The following MYO15B variants were observed in gnomAD, a reference collection of about 807,000 sequenced individuals.
The protein encoded by MYO15B is myosin XVB.
In MYO15B, 207 loss-of-function variants were observed where a neutral mutation model predicts 119.3. The observed-to-expected ratio is 1.73, with a 90% CI of 1.55 to 1.95. The LOEUF (loss-of-function observed/expected upper bound fraction) is 1.95. Ranked by LOEUF, MYO15B falls within the 30% of genes most tolerant of loss-of-function variation. MYO15B has a pLI of 0.00. For missense variants in MYO15B, 2,264 were observed against 1,203.1 expected (o/e 1.88, Z -13.04); for synonymous variants, 966 against 498.9 (o/e 1.94, Z -12.48).
intron 53 of MYO15B, among the ~76,000 whole-genome samples, chr17:75,622,989 C>T (rs1365898495): frequency 6.6e-6 from 1 of 152,274 alleles, no homozygotes; most frequent in East Asian, 1.9e-4. Flanking sequence ...CACAGCACCG[C>T]TCAGAGGTCA....
In MYO15B at chr17:75,597,605, C is replaced by T. The variant is rs77466531; in HGVS notation, c.3525+706C>T. ...CTCTCCCCTCTTACAGCCCGCAGTGCAGCAGGAGAGAAATGTTCATTTAAA... is the reference window on the plus strand; with the variant it reads ...CTCTCCCCTCTTACAGCCCGCAGTGTAGCAGGAGAGAAATGTTCATTTAAA... On this transcript the variant is annotated intron_variant, in intron 14 of 63. Transcript: ENST00000645453. Among the ~76,000 whole-genome samples, 1,034 of 152,358 alleles carry T rather than the reference C, an allele frequency of 6.8e-3. 8 individuals are homozygous for T. Among genetic ancestry groups the T allele is most frequent in the African/African-American group, 0.02 (816 of 41,574 alleles).
chr17:75,616,006 G>C, intron 36 of MYO15B, 63 bp from the exon 37 acceptor site: 1 of 590,584 alleles, frequency 1.7e-6, no homozygotes, highest in South Asian at 2.0e-5. Flanking sequence ...CTGGGGACCC[G>C]AGGGGTGTGG....
chr17:75,588,276 G>A, exon 1 of MYO15B: 1 of 398,290 alleles, frequency 2.5e-6, no homozygotes, highest in Admixed American at 4.4e-5. Context: ...CTGCAGAGGG[G>A]AACGGCGGCT....
chr17:75,621,433 T>C (rs1193956490), intron 51 of MYO15B, 25 bp downstream of exon 51: 2 of 699,172 alleles, frequency 2.9e-6, no homozygotes, highest in Admixed American at 4.0e-5. Context: ...GGGAGGGGTC[T>C]GGCCCGTAGA....
chr17:75,606,863 T>G, intron 21 of MYO15B: 1 of 397,772 alleles, frequency 2.5e-6, no homozygotes, highest in Non-Finnish European at 4.4e-6. Context: ...CTGCAGTGAC[T>G]TTAGACTTCT....
rs7213361 is a variant in MYO15B, at chr17:75,619,758, C to T, written c.7260C>T (p.Pro2420=). The stretch of plus-strand genomic sequence containing the variant: ...GACTGCTCAAGGTGACCCAAGGCCC[C>T]GGCCTCCGCCCCGACCAGCTGAAGA... Residue 2420 remains proline (P), a synonymous_variant, in exon 46 of 64, where the codon CCC becomes CCT. Transcript: ENST00000645453. 7,748 of 702,896 alleles carry T rather than the reference C, an allele frequency of 0.011. 423 individuals carry two copies. In the African/African-American group the frequency reaches 0.11, roughly 10 times the overall value. The allele number at this position is 702,896 out of a possible 1,614,324, so 43.5% of individuals were successfully genotyped here. A position where few individuals can be genotyped will look rare whatever the true frequency, so the allele number is the denominator to read the frequency against.
Position 75,616,099 on chromosome 17 carries a change from T to C in MYO15B, c.6061T>C (p.Tyr2021His), listed in dbSNP as rs2058355556. The C allele has an allele frequency of 5.2e-6, 3 of 573,664 alleles. No individual in the cohort carries two copies. The South Asian group carries it at 6.7e-5, about 13-fold the overall frequency. The allele number at this position is 573,664 out of a possible 1,614,324, so 35.5% of individuals were successfully genotyped here. ...CTCCGAGGAGGCTGAAGACAGGCCCTATCAGCCCAAGAGCTTCCAGCAGAA... is the reference window on the plus strand; with the variant it reads ...CTCCGAGGAGGCTGAAGACAGGCCCCATCAGCCCAAGAGCTTCCAGCAGAA... Residue 2021 changes from tyrosine (Y) to histidine (H), a missense_variant, in exon 37 of 64, where the codon TAT (tyrosine) becomes CAT (histidine). Physicochemically the swap from Tyr to His is moderately conservative, Grantham distance 83. Coordinates refer to ENST00000645453, the Ensembl canonical transcript of MYO15B.
At chr17:75,620,741 G>C in intron 49 of MYO15B, 105 bp downstream of exon 49, 1 of 696,158 alleles carries the variant, frequency 1.4e-6, no homozygotes, top group Non-Finnish European at 2.6e-6. Flanking sequence ...GGACCACCCT[G>C]CTGTCCGTCT....
chr17:75,607,707 C>T (rs905420410), intron 21 of MYO15B, among the ~76,000 whole-genome samples: 3 of 152,062 alleles, frequency 2.0e-5, no homozygotes, highest in African/African-American at 7.2e-5. Flanking sequence ...TCGATCCACC[C>T]GCCTCAGCCT....
chr17:75,625,510 C>T lies in MYO15B; in HGVS notation c.8805-17C>T. 1.4e-6 allele frequency: 1 copy of T among 702,978 alleles called. No individual in the cohort carries two copies. Among genetic ancestry groups the T allele is most frequent in the East Asian group, 2.7e-5 (1 of 37,294 alleles). 43.5% of individuals were successfully genotyped at this position (702,978 alleles called of 1,614,324 possible). A position where few individuals can be genotyped will look rare whatever the true frequency, so the allele number is the denominator to read the frequency against. Reference sequence around the variant, plus strand: ...CAGGTGGTCAGGGGCCAAACTGACCCTGGTCACACATCCTAGGCAGGACCT... The same window carrying T: ...CAGGTGGTCAGGGGCCAAACTGACCTTGGTCACACATCCTAGGCAGGACCT... On this transcript the variant is annotated splice_polypyrimidine_tract_variant and intron_variant, in intron 60 of 63. Transcript: ENST00000645453.
exon 61 of MYO15B, chr17:75,625,659 T>G (rs1020490720): frequency 6.8e-5 from 48 of 702,768 alleles, no homozygotes; most frequent in Middle Eastern, 4.6e-4. Flanking sequence ...TCAGCTTCAT[T>G]GGTGGGTCTG....
At chr17:75,612,880 A>G (rs531671732) in exon 26 of MYO15B, 4 of 702,434 alleles carry the variant, frequency 5.7e-6, no homozygotes, top group African/African-American at 5.2e-5. Flanking sequence ...CGTGCCCTGG[A>G]CATCAACAAA....
At position 75,625,982 on chromosome 17, in the gene MYO15B, G is replaced by A. The variant is rs1452790916; in HGVS notation, c.9072+5G>A. On this transcript the variant is annotated splice_donor_5th_base_variant and intron_variant, in intron 62 of 63. Transcript: ENST00000645453. ...CTCATGGACCCCAGCTCCCAGGTGG[G>A]CACAGCTCTTGCCTCAGCACTGGCC... 4.3e-6 allele frequency: 3 copies of A among 701,368 alleles called. No individual in the cohort carries two copies. Among genetic ancestry groups the A allele is most frequent in the Admixed American group, 2.0e-5 (1 of 49,572 alleles). 43.4% of individuals were successfully genotyped at this position (701,368 alleles called of 1,614,324 possible).
At chr17:75,613,444 A>G (rs776314406) in exon 28 of MYO15B, 16 of 679,878 alleles carry the variant, frequency 2.4e-5, no homozygotes, top group African/African-American at 1.4e-4. Context: ...GCGGGGCCGC[A>G]TGGCGCTGGA....
chr17:75,608,471 A>G (rs2057794833), intron 21 of MYO15B, among the ~76,000 whole-genome samples: 1 of 151,922 alleles, frequency 6.6e-6, no homozygotes, highest in Admixed American at 6.5e-5. Context: ...TTTTTGAGAC[A>G]GAGTCTTGCT....
exon 45 of MYO15B, chr17:75,619,370 T>C (rs1047089131): frequency 7.1e-6 from 5 of 702,096 alleles, no homozygotes; most frequent in Admixed American, 2.0e-5. Flanking sequence ...GGCTTGGAGG[T>C]GGACCTGGAT....
rs1343873782 is a variant in MYO15B at position 75,589,038 on chromosome 17, G to A, written c.981G>A (p.Gly327=). 5 of 397,012 alleles carry A rather than the reference G, an allele frequency of 1.3e-5. No individual in the cohort carries two copies. Among genetic ancestry groups the A allele is most frequent in the Non-Finnish European group, 1.8e-5 (4 of 225,062 alleles). 24.6% of individuals were successfully genotyped at this position (397,012 alleles called of 1,614,324 possible). A position where few individuals can be genotyped will look rare whatever the true frequency, so the allele number is the denominator to read the frequency against. The change falls in exon 1 of 64, where the codon GGG becomes GGA. Residue 327 remains glycine, a synonymous_variant. Coordinates refer to ENST00000645453, the Ensembl canonical transcript of MYO15B. This position sits in a 1 kb window ranked among gnomAD's most constrained non-coding sequence, Gnocchi z 4.2. ...AAGCGGGAGCCGCAGCAGGAGCGGG[G>A]CCGGAGGACCCAGCCCCGCTGGCGG... is the stretch of plus-strand genomic sequence containing the variant.
intron 14 of MYO15B, among the ~76,000 whole-genome samples, chr17:75,599,279 A>AT (rs60489681): frequency 0.029 from 4,078 of 140,750 alleles, 182 homozygotes; most frequent in African/African-American, 0.095. Context: ...TTTGAAAGTG[A>AT]TTTTTTTTTT....
At chr17:75,596,591 T>C (rs2056875317) in intron 13 of MYO15B, 36 bp downstream of exon 13, 1 of 702,142 alleles carries the variant, frequency 1.4e-6, no homozygotes. Context: ...CAGGGGCCGC[T>C]CAGGCATTGC....
Sources: allele counts gnomAD v4.1 joint callset (sites outside exome capture counted in the v4.1 genomes callset), GRCh38; gene constraint gnomAD v4.1.1; non-coding constraint Gnocchi (gnomAD v3.1); transcripts MANE v1.5; gene names NCBI Gene and HGNC (gene_info 2026-07-23, HGNC 2026-07-21).